The following NDUFA12 variants were observed in gnomAD, a reference collection of about 807,000 sequenced individuals.
NDUFA12 encodes NADH dehydrogenase [ubiquinone] 1 alpha subcomplex subunit 12.
In NDUFA12, 17 loss-of-function variants were observed where a neutral mutation model predicts 20.3. That is an observed-to-expected ratio of 0.84 (90% CI 0.57 to 1.26). The LOEUF is 1.26. NDUFA12 is among the 50% of genes most tolerant of loss of function. The probability of loss-of-function intolerance (pLI) is 0.00; values close to 1 mark genes in which losing one functional copy is unlikely to be tolerated. For missense variants in NDUFA12, 191 were observed against 183.7 expected (o/e 1.04, Z -0.23); for synonymous variants, 72 against 63.6 (o/e 1.13, Z -0.63).
chr12:94,983,767 GCTT>G (rs10600077), intron 3 of NDUFA12, among the ~76,000 whole-genome samples: 132,037 of 151,910 alleles, frequency 0.87, 57,485 homozygotes, highest in Admixed American at 0.9. Context: ...ACTTACAACA[GCTT>G]CTTAAGTGAG....
At chr12:94,988,305 G>A (rs529112249) in intron 3 of NDUFA12, among the ~76,000 whole-genome samples, 38 of 152,220 alleles carry the variant, frequency 2.5e-4, no homozygotes, top group Non-Finnish European at 4.9e-4. Context: ...TGGTCATATT[G>A]TGGTTATGTA....
intron 3 of NDUFA12, among the ~76,000 whole-genome samples, chr12:94,987,791 CAAAAAAAA>C (rs61711763): frequency 2.9e-5 from 2 of 69,346 alleles, no homozygotes; most frequent in African/African-American, 5.9e-5. Flanking sequence ...GACATTGTCT[CAAAAAAAA>C]AAAAAAAAAA....
intron 3 of NDUFA12, chr12:94,971,904 A>G (rs1873900039): frequency 1.8e-6 from 1 of 559,960 alleles, no homozygotes; most frequent in Non-Finnish European, 3.2e-6. Flanking sequence ...TCATTACTGT[A>G]TTTTTTTTTC....
chr12:94,981,411 G>A (rs368138686), intron 3 of NDUFA12, among the ~76,000 whole-genome samples: 1 of 152,176 alleles, frequency 6.6e-6, no homozygotes, highest in East Asian at 1.9e-4. Flanking sequence ...TCGCACCACT[G>A]AACTCCAGCC....
At chr12:94,990,173 T>C (rs1874590103) in intron 3 of NDUFA12, among the ~76,000 whole-genome samples, 1 of 151,978 alleles carries the variant, frequency 6.6e-6, no homozygotes, top group South Asian at 2.1e-4. Flanking sequence ...CAAACCATCA[T>C]GGCACATGTT....
chr12:95,003,642 C>G lies in NDUFA12; in HGVS notation c.39G>C (p.Gln13His), dbSNP rs755066073. Reference sequence around the variant, plus strand: ...CTCGGAGACCGCCGTGGCCGGTGATCTGCTGCAGCCCGCGTTTCAGGACCT... The same window carrying G: ...CTCGGAGACCGCCGTGGCCGGTGATGTGCTGCAGCCCGCGTTTCAGGACCT... ...LVQVLKRGLQ[Q>H]ITGHGGLRGY... The change falls in exon 1 of 4, where the codon CAG (glutamine) becomes CAC (histidine). Residue 13 changes from glutamine to histidine, a missense_variant. Gln to His is a conservative substitution (Grantham distance 24). Coordinates refer to ENST00000327772, the MANE Select transcript of NDUFA12 (RefSeq NM_018838.5). 3 of 1,614,196 alleles carry G rather than the reference C, an allele frequency of 1.9e-6. No homozygotes were observed. Among genetic ancestry groups the G allele is most frequent in the African/African-American group, 1.3e-5 (1 of 75,050 alleles).
chr12:94,997,808 A>G (rs1382433172), intron 2 of NDUFA12, among the ~76,000 whole-genome samples: 4 of 152,018 alleles, frequency 2.6e-5, no homozygotes, highest in Non-Finnish European at 4.4e-5. Flanking sequence ...GGATACTCAA[A>G]CTGTAAAAAT....
intron 2 of NDUFA12, among the ~76,000 whole-genome samples, chr12:95,000,397 C>G (rs919753992): frequency 6.6e-6 from 1 of 152,082 alleles, no homozygotes; most frequent in Admixed American, 6.6e-5. Flanking sequence ...TCAGAACTCA[C>G]CACTAAAAAA....
At chr12:94,996,974 C>T (rs1210929090) in intron 2 of NDUFA12, 15 of 398,340 alleles carry the variant, frequency 3.8e-5, no homozygotes, top group Non-Finnish European at 6.8e-5. Context: ...TCAGTTTCTT[C>T]ATCTATAAAA....
chr12:94,978,900 G>T (rs1029732416), intron 3 of NDUFA12, among the ~76,000 whole-genome samples: 25 of 152,100 alleles, frequency 1.6e-4, no homozygotes, highest in Non-Finnish European at 3.7e-4. Context: ...CACTCGAACT[G>T]ACACAGTATT....
intron 2 of NDUFA12, among the ~76,000 whole-genome samples, chr12:94,999,770 A>G (rs1170498046): frequency 6.6e-6 from 1 of 152,218 alleles, no homozygotes; most frequent in East Asian, 1.9e-4. Flanking sequence ...TAAAACCACA[A>G]TGAGATAGCA....
intron 3 of NDUFA12, among the ~76,000 whole-genome samples, chr12:94,976,134 T>C (rs538330089): frequency 2.0e-5 from 3 of 152,208 alleles, no homozygotes; most frequent in Non-Finnish European, 4.4e-5. Context: ...TTAATACTTA[T>C]AGATAGCATT....
At chr12:95,002,122 T>G (rs945625332) in intron 2 of NDUFA12, among the ~76,000 whole-genome samples, 3 of 152,012 alleles carry the variant, frequency 2.0e-5, no homozygotes, top group African/African-American at 7.2e-5. Context: ...TATATGGTTT[T>G]GCCCACATTG....
chr12:94,993,044 A>G (rs933669819), intron 3 of NDUFA12, among the ~76,000 whole-genome samples: 1 of 152,224 alleles, frequency 6.6e-6, no homozygotes, highest in Admixed American at 6.5e-5. Context: ...TTTGTAATGA[A>G]ATAAATATTG....
intron 3 of NDUFA12, among the ~76,000 whole-genome samples, chr12:94,978,987 A>G (rs949919395): frequency 5.9e-5 from 9 of 152,338 alleles, no homozygotes; most frequent in African/African-American, 1.9e-4. Context: ...TGTATACATT[A>G]TATGAGAAAT....
chr12:94,995,385 A>G (rs1874787459), intron 2 of NDUFA12, among the ~76,000 whole-genome samples: 1 of 152,206 alleles, frequency 6.6e-6, no homozygotes, highest in Non-Finnish European at 1.5e-5. Context: ...GAAAGGTTTC[A>G]TAAGTCAAGC....
At chr12:94,976,498 T>C (rs1874069546) in intron 3 of NDUFA12, among the ~76,000 whole-genome samples, 1 of 152,212 alleles carries the variant, frequency 6.6e-6, no homozygotes, top group African/African-American at 2.4e-5. Flanking sequence ...TCCTGTATAC[T>C]TTAAATCATC....
intron 2 of NDUFA12, among the ~76,000 whole-genome samples, chr12:94,997,669 AG>A (rs1162062946): frequency 3.3e-5 from 5 of 152,326 alleles, no homozygotes; most frequent in Non-Finnish European, 5.9e-5. Context: ...GACACTCAAA[AG>A]AAATGCTCAT....
chr12:94,994,799 G>A (rs536091556), intron 2 of NDUFA12, among the ~76,000 whole-genome samples: 3 of 152,280 alleles, frequency 2.0e-5, no homozygotes, highest in African/African-American at 7.2e-5. Context: ...TAATATGGCT[G>A]CACTCCTCAT....
Sources: gnomAD v4.1 joint callset for allele counts (sites outside exome capture counted in the v4.1 genomes callset) on GRCh38, gnomAD v4.1.1 for gene constraint, MANE v1.5 for transcripts, NCBI Gene and HGNC (gene_info 2026-07-23, HGNC 2026-07-21) for gene names.